Variants in FRK observed in about 807,000 individuals in gnomAD.
FRK encodes the protein tyrosine-protein kinase FRK.
Under a neutral mutation model 56.4 loss-of-function variants are expected in FRK, and 51 were observed. The observed-to-expected ratio is 0.90, with a 90% CI of 0.72 to 1.14. The LOEUF (loss-of-function observed/expected upper bound fraction) is 1.14. FRK is among the 50% of genes most tolerant of loss of function. FRK has a pLI of 0.00. For synonymous variants in FRK, 245 were observed against 217.9 expected, an observed-to-expected ratio of 1.12 and a Z score of -1.10; for missense variants, 570 against 601.4, an observed-to-expected ratio of 0.95 and a Z score of 0.55.
At chr6:116,099,672 TAA>T in the FRK span, among the ~76,000 whole-genome samples, 651 of 152,306 alleles carry the variant, frequency 4.3e-3, 6 homozygotes, top group African/African-American at 0.015. Flanking sequence ...CTACTAGGTA[TAA>T]GTGTCCTCCT....
At chr6:115,993,436 A>AT (rs1256284089) in intron 2 of FRK, among the ~76,000 whole-genome samples, 2 of 151,568 alleles carry the variant, frequency 1.3e-5, no homozygotes, top group Non-Finnish European at 3.0e-5. Context: ...AATTTTTTTC[A>AT]TTTTTCCTTG....
chr6:116,027,060 A>G (rs1776120734), intron 1 of FRK, among the ~76,000 whole-genome samples: 1 of 152,228 alleles, frequency 6.6e-6, no homozygotes. Flanking sequence ...TGTTAAATGC[A>G]TTAGGAATGA....
intron 2 of FRK, among the ~76,000 whole-genome samples, chr6:115,994,680 G>A (rs940907592): frequency 6.6e-6 from 1 of 152,114 alleles, no homozygotes; most frequent in Admixed American, 6.6e-5. Flanking sequence ...AAATCTCAAT[G>A]TGATGGTGTT....
the FRK span, among the ~76,000 whole-genome samples, chr6:116,092,034 G>A: frequency 1.3e-5 from 2 of 152,092 alleles, no homozygotes; most frequent in African/African-American, 4.8e-5. Context: ...CATTCTCCGA[G>A]GCTAGTCCCA....
At chr6:116,038,248 AT>A (rs928156986) in intron 1 of FRK, among the ~76,000 whole-genome samples, 1 of 152,168 alleles carries the variant, frequency 6.6e-6, no homozygotes, top group Non-Finnish European at 1.5e-5. Context: ...TTAAAAATGT[AT>A]TTTTTAATTA....
rs181157577 is a variant in FRK, at chr6:116,039,867, C to G, written c.344+20101G>C. ...TCCCCTCGGAAGCCATGAGTGCTGC[C>G]CTCTCCCACGGTGCCCGCGCCTGTG... On this transcript the variant is annotated intron_variant, in intron 1 of 7. Coordinates refer to ENST00000606080, the MANE Select transcript of FRK (RefSeq NM_002031.3). Among the ~76,000 whole-genome samples the G allele has an allele frequency of 2.5e-3, 384 of 151,738 alleles. 12 individuals carry two copies. The South Asian group carries it at 0.043, about 17-fold the overall frequency.
intron 2 of FRK, among the ~76,000 whole-genome samples, chr6:115,972,850 C>T (rs1460021213): frequency 6.6e-6 from 1 of 152,172 alleles, no homozygotes; most frequent in Non-Finnish European, 1.5e-5. Context: ...TCATAAAAGT[C>T]AGTAGATGGC....
the FRK span, among the ~76,000 whole-genome samples, chr6:116,069,641 T>C: frequency 6.6e-6 from 1 of 152,114 alleles, no homozygotes; most frequent in Non-Finnish European, 1.5e-5. Context: ...TAAAAGTGGA[T>C]TAATTCTGCT....
intron 1 of FRK, among the ~76,000 whole-genome samples, chr6:116,059,129 C>T (rs966391083): frequency 6.6e-6 from 1 of 152,096 alleles, no homozygotes; most frequent in Non-Finnish European, 1.5e-5. Context: ...ACTCACCAGG[C>T]CCACTACTGT....
At chr6:115,996,467 G>A (rs763693987) in intron 2 of FRK, among the ~76,000 whole-genome samples, 1 of 152,086 alleles carries the variant, frequency 6.6e-6, no homozygotes, top group East Asian at 1.9e-4. Flanking sequence ...ACTAACAAGT[G>A]ATATGTCCTT....
chr6:116,051,242 C>T (rs2114815451), intron 1 of FRK, among the ~76,000 whole-genome samples: 1 of 151,978 alleles, frequency 6.6e-6, no homozygotes, highest in Non-Finnish European at 1.5e-5. Flanking sequence ...TTTATTTTAC[C>T]CATAAAAAGG....
intron 1 of FRK, among the ~76,000 whole-genome samples, chr6:116,050,226 C>T (rs1562305630): frequency 6.6e-6 from 1 of 152,058 alleles, no homozygotes; most frequent in Non-Finnish European, 1.5e-5. Context: ...TATGATGGAT[C>T]AAGACAAAAA....
In FRK at chr6:115,944,331, A is replaced by G. The variant is rs1772331544; in HGVS notation, c.1053T>C (p.Ile351=). 1 of 1,613,200 alleles carries G rather than the reference A, an allele frequency of 6.2e-7. No homozygotes were observed. Among genetic ancestry groups the G allele is most frequent in the Non-Finnish European group, 8.5e-7 (1 of 1,179,662 alleles). ...GMAYLESRNY[I]HRDLAARNVL... Reference sequence around the variant, plus strand: ...CATTTCTGGCAGCCAGATCTCTGTGAATGTAGTTCCGAGACTCCAGATAGG... The same window carrying G: ...CATTTCTGGCAGCCAGATCTCTGTGGATGTAGTTCCGAGACTCCAGATAGG... Residue 351 remains isoleucine (I), a synonymous_variant, in exon 6 of 8, where the codon ATT becomes ATC. Coordinates refer to ENST00000606080, the MANE Select transcript of FRK (RefSeq NM_002031.3).
the FRK span, among the ~76,000 whole-genome samples, chr6:116,070,305 T>C: frequency 2.0e-5 from 3 of 152,034 alleles, no homozygotes; most frequent in Admixed American, 1.3e-4. Context: ...TTGGCTAGCA[T>C]AGGTGGCAGG....
chr6:116,038,775 T>G (rs1470719372), intron 1 of FRK: 2 of 493,538 alleles, frequency 4.1e-6, no homozygotes, highest in Non-Finnish European at 8.2e-6. Flanking sequence ...TCCAGGAAGT[T>G]CGTTGGGGGG....
upstream of FRK, among the ~76,000 whole-genome samples, chr6:116,065,763 T>C (rs1023089554): frequency 4.6e-5 from 7 of 152,238 alleles, no homozygotes; most frequent in Non-Finnish European, 8.8e-5. Flanking sequence ...TGTAGTGTTC[T>C]TTTGTTCCTA....
intron 1 of FRK, among the ~76,000 whole-genome samples, chr6:116,023,433 C>T (rs1175510605): frequency 1.3e-5 from 2 of 152,110 alleles, no homozygotes. Context: ...ACAATATAGT[C>T]AACTGGTACT....
the FRK span, among the ~76,000 whole-genome samples, chr6:116,079,644 G>A: frequency 1.1e-4 from 16 of 152,234 alleles, 1 homozygote; most frequent in South Asian, 2.7e-3. Flanking sequence ...AAGCTGGAGT[G>A]CAGTGGCACG....
chr6:116,084,939 G>A, the FRK span, among the ~76,000 whole-genome samples: 3 of 152,248 alleles, frequency 2.0e-5, no homozygotes, highest in East Asian at 5.8e-4. Flanking sequence ...AAGGAAGTGG[G>A]GTTCATTAGA....
Sources: allele counts gnomAD v4.1 joint callset (sites outside exome capture counted in the v4.1 genomes callset), GRCh38; gene constraint gnomAD v4.1.1; transcripts MANE v1.5; gene names NCBI Gene and HGNC (gene_info 2026-07-23, HGNC 2026-07-21).